Variants in ARHGAP6 observed in about 807,000 individuals in gnomAD.
ARHGAP6 encodes the protein rho GTPase-activating protein 6.
In ARHGAP6, 16 loss-of-function variants were observed where a neutral mutation model predicts 55.7. The observed-to-expected ratio is 0.29, with a 90% CI of 0.19 to 0.44. The LOEUF (loss-of-function observed/expected upper bound fraction) is 0.44, where lower values mean the gene tolerates loss of function less well. Ranked by LOEUF, ARHGAP6 falls within the 20% of genes least tolerant of loss-of-function variation. The pLI is 1.00. For synonymous variants in ARHGAP6, 382 were observed against 360.9 expected, an observed-to-expected ratio of 1.06 and a Z score of -0.66; for missense variants, 698 against 808.9, an observed-to-expected ratio of 0.86 and a Z score of 1.66.
intron 1 of ARHGAP6, among the ~76,000 whole-genome samples, chrX:11,498,422 T>C (rs895397997): frequency 2.7e-5 from 3 of 112,354 alleles, no homozygotes; most frequent in Non-Finnish European, 5.6e-5. Flanking sequence ...TCTGTGCCTG[T>C]TGCCAGATGA....
At chrX:11,460,210 A>T (rs1236841514) in intron 1 of ARHGAP6, among the ~76,000 whole-genome samples, 8 of 111,691 alleles carry the variant, frequency 7.2e-5, no homozygotes, top group African/African-American at 2.6e-4. Context: ...AAGTTGCCAG[A>T]TTGTGAGAGG....
chrX:11,509,653 T>C (rs191524916), intron 1 of ARHGAP6, among the ~76,000 whole-genome samples: 84 of 112,229 alleles, frequency 7.5e-4, no homozygotes, highest in African/African-American at 2.7e-3. Flanking sequence ...GTGGTTTTTG[T>C]TTTGAGAAAT....
At chrX:11,390,042 G>A (rs2049383058) in intron 1 of ARHGAP6, among the ~76,000 whole-genome samples, 1 of 111,812 alleles carries the variant, frequency 8.9e-6, no homozygotes, top group Non-Finnish European at 1.9e-5. Flanking sequence ...TTTTCTTCTA[G>A]GGTTTTTATG....
At chrX:11,426,056 C>T (rs761362827) in intron 1 of ARHGAP6, among the ~76,000 whole-genome samples, 57 of 112,254 alleles carry the variant, frequency 5.1e-4, no homozygotes, top group Admixed American at 2.0e-3. Flanking sequence ...GACAGATGAA[C>T]GAGCATTAGT....
In ARHGAP6 at chrX:11,361,190, C is replaced by G. The variant is rs1317889772; in HGVS notation, c.589-106483G>C. Among the ~76,000 whole-genome samples the G allele has an allele frequency of 2.0e-4, 21 of 107,530 alleles. No individual in the cohort carries two copies. In the Admixed American group the frequency reaches 2.1e-3, roughly 11 times the overall value. The allele number at this position is 107,530 out of a possible 115,157, so 93.4% of individuals were successfully genotyped here. On this transcript the variant is annotated intron_variant, in intron 1 of 12. Coordinates refer to ENST00000337414, the MANE Select transcript of ARHGAP6 (RefSeq NM_013427.3). The stretch of plus-strand genomic sequence containing the variant: ...TATGGAACCAAAAAAGAGCCCGCAT[C>G]GCCAAGTCAATCCTAAGCCAAAAGA...
chrX:11,466,743 A>G (rs980020822), intron 1 of ARHGAP6, among the ~76,000 whole-genome samples: 2 of 111,179 alleles, frequency 1.8e-5, no homozygotes, highest in African/African-American at 3.3e-5. Context: ...GCCTCAAGCA[A>G]TCCTCCTGCC....
At chrX:11,446,422 A>G (rs2050092523) in intron 1 of ARHGAP6, among the ~76,000 whole-genome samples, 1 of 112,217 alleles carries the variant, frequency 8.9e-6, no homozygotes, top group South Asian at 3.7e-4. Flanking sequence ...ATATGGACCA[A>G]CATGGATGTA....
intron 1 of ARHGAP6, among the ~76,000 whole-genome samples, chrX:11,281,612 C>T (rs761120046): frequency 2.2e-4 from 24 of 110,730 alleles, no homozygotes; most frequent in Non-Finnish European, 4.2e-4. Flanking sequence ...GAAAGATATC[C>T]ACTATATGTA....
chrX:11,177,375 G>T (rs12007827), intron 8 of ARHGAP6, among the ~76,000 whole-genome samples: 106 of 101,644 alleles, frequency 1.0e-3, no homozygotes, highest in Middle Eastern at 4.8e-3. Context: ...GTGGGCGGGG[G>T]GGGGGCACAC....
chrX:11,156,445 C>G (rs5934967), intron 10 of ARHGAP6, 84 bp downstream of exon 10: 202,357 of 907,266 alleles, frequency 0.22, 17,379 homozygotes, highest in Middle Eastern at 0.27. Context: ...CCTGCATGTA[C>G]TTATGTAAAC....
intron 1 of ARHGAP6, among the ~76,000 whole-genome samples, chrX:11,364,961 C>A (rs1172480369): frequency 1.8e-5 from 2 of 110,600 alleles, no homozygotes; most frequent in Non-Finnish European, 3.8e-5. Flanking sequence ...TGACAGTTAG[C>A]TATACAGGAG....
At chrX:11,283,775 C>T (rs187895064) in intron 1 of ARHGAP6, among the ~76,000 whole-genome samples, 2 of 111,315 alleles carry the variant, frequency 1.8e-5, no homozygotes, top group South Asian at 7.6e-4. Context: ...GGAATGTGGG[C>T]AGCCTCTAGA....
intron 1 of ARHGAP6, among the ~76,000 whole-genome samples, chrX:11,364,734 G>T (rs1229633918): frequency 9.0e-6 from 1 of 111,583 alleles, no homozygotes; most frequent in Non-Finnish European, 1.9e-5. Flanking sequence ...ATAATTCCCT[G>T]GGGAATTATA....
intron 1 of ARHGAP6, among the ~76,000 whole-genome samples, chrX:11,396,266 T>C (rs1282021154): frequency 2.7e-5 from 3 of 110,335 alleles, no homozygotes; most frequent in Non-Finnish European, 5.7e-5. Flanking sequence ...GTCAACGGCA[T>C]TCTGGCTCAG....
intron 2 of ARHGAP6, among the ~76,000 whole-genome samples, chrX:11,250,687 C>T (rs970192779): frequency 1.8e-5 from 2 of 111,617 alleles, no homozygotes; most frequent in African/African-American, 6.5e-5. Flanking sequence ...TCACATATCT[C>T]CCTGATTACA....
intron 2 of ARHGAP6, among the ~76,000 whole-genome samples, chrX:11,248,101 T>C (rs1284677064): frequency 8.9e-6 from 1 of 111,956 alleles, no homozygotes; most frequent in Non-Finnish European, 1.9e-5. Context: ...TTATTAGTTA[T>C]TCAGTGTGTA....
chrX:11,533,683 G>A (rs1422164829), intron 1 of ARHGAP6, among the ~76,000 whole-genome samples: 1 of 111,978 alleles, frequency 8.9e-6, no homozygotes, highest in African/African-American at 3.2e-5. Flanking sequence ...GCATAAACAT[G>A]TTTTACCCAA....
At chrX:11,463,558 C>T (rs1009023450) in intron 1 of ARHGAP6, among the ~76,000 whole-genome samples, 41 of 111,596 alleles carry the variant, frequency 3.7e-4, no homozygotes, top group African/African-American at 1.1e-3. Context: ...AGGCTGGTGT[C>T]ATGAACTCCT....
chrX:11,322,005 C>T (rs902775011), intron 1 of ARHGAP6, among the ~76,000 whole-genome samples: 2 of 111,991 alleles, frequency 1.8e-5, no homozygotes, highest in Non-Finnish European at 3.8e-5. Flanking sequence ...TCTGCTGTGA[C>T]GTGACATATG....
Sources: gnomAD v4.1 joint callset for allele counts (sites outside exome capture counted in the v4.1 genomes callset) on GRCh38, gnomAD v4.1.1 for gene constraint, MANE v1.5 for transcripts, NCBI Gene and HGNC (gene_info 2026-07-23, HGNC 2026-07-21) for gene names.